LCE2C: variants seen among roughly 807,000 people sequenced by gnomAD.
LCE2C encodes late cornified envelope protein 2C.
For missense variants in LCE2C, 179 were observed against 141.3 expected, an observed-to-expected ratio of 1.27 and a Z score of -1.35; for synonymous variants, 57 against 51.0, an observed-to-expected ratio of 1.12 and a Z score of -0.50.
At position 152,676,110 on chromosome 1, in the gene LCE2C, G is replaced by T. The variant is rs1250342406; in HGVS notation, c.95G>T (p.Cys32Phe). ...TGTCCACCTAAGTGTCCCCCCAAATGCCCACCACAGTGCCCAGCTCCATGT... is the reference window on the plus strand; with the variant it reads ...TGTCCACCTAAGTGTCCCCCCAAATTCCCACCACAGTGCCCAGCTCCATGT... ...PKCPPKCPPK[C>F]PPQCPAPCFP... Residue 32 changes from cysteine (C) to phenylalanine (F), a missense_variant, in exon 2 of 2, where the codon TGC becomes TTC. Cys to Phe is a radical substitution (Grantham distance 205). Transcript: ENST00000368783. 9 of 1,613,898 alleles carry T rather than the reference G, an allele frequency of 5.6e-6. No individual in the cohort carries two copies. Among genetic ancestry groups the T allele is most frequent in the African/African-American group, 1.3e-5 (1 of 74,864 alleles).
At position 152,676,450 on chromosome 1, in the gene LCE2C, A is replaced by G. The variant is rs1449518664; in HGVS notation, c.*102A>G. The G allele has an allele frequency of 2.0e-6, 3 of 1,478,696 alleles. No individual in the cohort carries two copies. The highest frequency in any genetic ancestry group is 4.6e-5 in the East Asian group (2 of 43,476). The allele number at this position is 1,478,696 out of a possible 1,614,324, so 91.6% of individuals were successfully genotyped here. ...TCTCATTCCATTCATTGGTTGGCAGAGACCACAAAGACTCATGGGGCTTTC... is the reference window on the plus strand; with the variant it reads ...TCTCATTCCATTCATTGGTTGGCAGGGACCACAAAGACTCATGGGGCTTTC... On this transcript the variant is annotated 3_prime_UTR_variant, in exon 2 of 2. Transcript: ENST00000368783.
chr1:152,676,453 C>A lies in LCE2C; in HGVS notation c.*105C>A. On this transcript the variant is annotated 3_prime_UTR_variant, in exon 2 of 2. Coordinates refer to ENST00000368783, the MANE Select transcript of LCE2C (RefSeq NM_178429.5). ...CATTCCATTCATTGGTTGGCAGAGA[C>A]CACAAAGACTCATGGGGCTTTCCTG... is the stretch of plus-strand genomic sequence containing the variant. 6.8e-7 allele frequency: 1 copy of A among 1,476,640 alleles called. No individual in the cohort carries two copies. Among genetic ancestry groups the A allele is most frequent in the Non-Finnish European group, 9.1e-7 (1 of 1,102,972 alleles). The allele number at this position is 1,476,640 out of a possible 1,614,324, so 91.5% of individuals were successfully genotyped here.
chr1:152,676,397 C>T lies in LCE2C; in HGVS notation c.*49C>T, dbSNP rs375022910. ...GGACTGAATGGCCAAGAACCTGCTA[C>T]GGCCTGATGGATACTCTTTCCACTT... is the stretch of plus-strand genomic sequence containing the variant. On this transcript the variant is annotated 3_prime_UTR_variant, in exon 2 of 2. Transcript: ENST00000368783. 24 of 1,547,524 alleles carry T rather than the reference C, an allele frequency of 1.6e-5. No individual in the cohort carries two copies. The highest frequency in any genetic ancestry group is 1.8e-4 in the Middle Eastern group (1 of 5,640).
At position 152,676,312 on chromosome 1, in the gene LCE2C, C is replaced by A. The variant is rs149959514; in HGVS notation, c.297C>A (p.Gly99=). 5.0e-6 allele frequency: 8 copies of A among 1,612,708 alleles called. No homozygotes were observed. The highest frequency in any genetic ancestry group is 4.4e-5 in the South Asian group (4 of 90,888). Residue 99 remains glycine (G), a synonymous_variant, in exon 2 of 2, where the codon GGC becomes GGA. Coordinates refer to ENST00000368783, the MANE Select transcript of LCE2C (RefSeq NM_178429.5). ...GCTGTGAGAGTGAACCTTCTGGGGGCTCTGGCTGCTGCCACAGCTCTGGGG... is the reference window on the plus strand; with the variant it reads ...GCTGTGAGAGTGAACCTTCTGGGGGATCTGGCTGCTGCCACAGCTCTGGGG... ...PDCCESEPSG[G]SGCCHSSGGC... is the part of the protein sequence containing the mutation.
rs1386695594 is a variant in LCE2C, at chr1:152,676,165, C to T, written c.150C>T (p.Pro50=). The T allele has an allele frequency of 6.2e-7, 1 of 1,613,968 alleles. No individual in the cohort carries two copies. Residue 50 remains proline (P), a synonymous_variant, in exon 2 of 2, where the codon CCC becomes CCT. Transcript: ENST00000368783. ...CTGCAGTCTCTTCTTGCTGTGGTCC[C>T]AGCTCTGGGAGCTGCTGTGGTCCCA... ...CFPAVSSCCG[P]SSGSCCGPSS...
rs1291422489 is a variant in LCE2C at position 152,676,442 on chromosome 1, G to C, written c.*94G>C. On this transcript the variant is annotated 3_prime_UTR_variant, in exon 2 of 2. Transcript: ENST00000368783. ...CCACTTCCTCTCATTCCATTCATTG[G>C]TTGGCAGAGACCACAAAGACTCATG... 1 of 1,505,658 alleles carries C rather than the reference G, an allele frequency of 6.6e-7. No individual in the cohort carries two copies. Among genetic ancestry groups the C allele is most frequent in the East Asian group, 2.3e-5 (1 of 43,918 alleles). The allele number at this position is 1,505,658 out of a possible 1,614,324, so 93.3% of individuals were successfully genotyped here. A position where few individuals can be genotyped will look rare whatever the true frequency, so the allele number is the denominator to read the frequency against.
In LCE2C at chr1:152,676,405, T is replaced by G; in HGVS notation, c.*57T>G. 3 of 1,535,402 alleles carry G rather than the reference T, an allele frequency of 2.0e-6. No homozygotes were observed. Among genetic ancestry groups the G allele is most frequent in the Non-Finnish European group, 8.7e-7 (1 of 1,145,006 alleles). ...TGGCCAAGAACCTGCTACGGCCTGATGGATACTCTTTCCACTTCCTCTCAT... is the reference window on the plus strand; with the variant it reads ...TGGCCAAGAACCTGCTACGGCCTGAGGGATACTCTTTCCACTTCCTCTCAT... On this transcript the variant is annotated 3_prime_UTR_variant, in exon 2 of 2. Transcript: ENST00000368783.
intron 1 of LCE2C, 110 bp from the exon 2 acceptor site, chr1:152,675,885 G>C: frequency 1.6e-6 from 2 of 1,277,214 alleles, no homozygotes; most frequent in Non-Finnish European, 2.2e-6. Flanking sequence ...TTACTGATGT[G>C]ATTGTATTAT....
rs1648837488 is a variant in LCE2C, at chr1:152,676,027, G to A, written c.12G>A (p.Gln4=). 1.9e-6 allele frequency: 3 copies of A among 1,614,030 alleles called. No homozygotes were observed. The highest frequency in any genetic ancestry group is 1.1e-5 in the South Asian group (1 of 91,070). Residue 4 remains glutamine (Q), a synonymous_variant, in exon 2 of 2, where the codon CAG becomes CAA. Coordinates refer to ENST00000368783, the MANE Select transcript of LCE2C (RefSeq NM_178429.5). MSC[Q]QNQQQCQPPP... is the part of the protein sequence containing the mutation. ...AAACTCCTGCCAGCATGTCTTGCCA[G>A]CAAAACCAGCAGCAGTGCCAGCCCC...
At position 152,676,262 on chromosome 1, in the gene LCE2C, C is replaced by A; in HGVS notation, c.247C>A (p.Arg83=). The A allele has an allele frequency of 6.2e-7, 1 of 1,613,910 alleles. No homozygotes were observed. ...LSHHRPRLFH[R]RRHQSPDCCE... Reference sequence around the variant, plus strand: ...CCACCACAGGCCCCGTCTCTTCCACCGGCGCCGGCACCAGAGCCCCGACTG... The same window carrying A: ...CCACCACAGGCCCCGTCTCTTCCACAGGCGCCGGCACCAGAGCCCCGACTG... Residue 83 remains arginine (R), a synonymous_variant, in exon 2 of 2, where the codon CGG becomes AGG. Transcript: ENST00000368783.
chr1:152,676,217 G>T lies in LCE2C; in HGVS notation c.202G>T (p.Ala68Ser), dbSNP rs532981379. The T allele has an allele frequency of 5.4e-5, 87 of 1,613,864 alleles. 2 individuals carry two copies. In the South Asian group the frequency reaches 7.7e-4, roughly 14 times the overall value. ...PSSGGCCSSG[A>S]GGCSLSHHRP... The stretch of plus-strand genomic sequence containing the variant: ...CTCTGGGGGCTGCTGCAGCTCTGGG[G>T]CTGGTGGCTGCTCCCTGAGCCACCA... Residue 68 changes from alanine to serine, a missense_variant, in exon 2 of 2, where the codon GCT becomes TCT. Transcript: ENST00000368783.
At chr1:152,675,780 A>G (rs1351024380) in intron 1 of LCE2C, among the ~76,000 whole-genome samples, 1 of 152,164 alleles carries the variant, frequency 6.6e-6, no homozygotes, top group African/African-American at 2.4e-5. Flanking sequence ...GAGCAATCGC[A>G]GTTTCCCCTG....
chr1:152,675,850 A>T, intron 1 of LCE2C, 145 bp from the exon 2 acceptor site: 1 of 996,720 alleles, frequency 1.0e-6, no homozygotes, highest in South Asian at 1.7e-5. Context: ...TATCTAGAGG[A>T]AAGATTCAAG....
rs2101501235 is a variant in LCE2C, at chr1:152,676,084, A to C, written c.69A>C (p.Lys23Asn). Residue 23 changes from lysine to asparagine, a missense_variant, in exon 2 of 2, where the codon AAA (lysine) becomes AAC (asparagine). Transcript: ENST00000368783. The part of the protein sequence containing the change: ...PPKCPPKCTP[K>N]CPPKCPPKCP... ...AGTGTCCTCCCAAGTGTACCCCAAAATGTCCACCTAAGTGTCCCCCCAAAT... is the reference window on the plus strand; with the variant it reads ...AGTGTCCTCCCAAGTGTACCCCAAACTGTCCACCTAAGTGTCCCCCCAAAT... 6.2e-7 allele frequency: 1 copy of C among 1,614,112 alleles called. No homozygotes were observed. Among genetic ancestry groups the C allele is most frequent in the Non-Finnish European group, 8.5e-7 (1 of 1,180,016 alleles).
rs765959989 is a variant in LCE2C, at chr1:152,676,198, G to A, written c.183G>A (p.Gly61=). The change falls in exon 2 of 2, where the codon GGG becomes GGA. Residue 61 remains glycine, a synonymous_variant. Transcript: ENST00000368783. Reference sequence around the variant, plus strand: ...GGAGCTGCTGTGGTCCCAGCTCTGGGGGCTGCTGCAGCTCTGGGGCTGGTG... The same window carrying A: ...GGAGCTGCTGTGGTCCCAGCTCTGGAGGCTGCTGCAGCTCTGGGGCTGGTG... The part of the protein sequence containing the change: ...SSGSCCGPSS[G]GCCSSGAGGC... 2.5e-6 allele frequency: 4 copies of A among 1,614,048 alleles called. No individual in the cohort carries two copies. The highest frequency in any genetic ancestry group is 1.7e-6 in the Non-Finnish European group (2 of 1,179,992).
rs1340760393 is a variant in LCE2C, at chr1:152,676,279, C to T, written c.264C>T (p.Ser88=). 26 of 1,613,742 alleles carry T rather than the reference C, an allele frequency of 1.6e-5. No homozygotes were observed. The highest frequency in any genetic ancestry group is 1.9e-5 in the Non-Finnish European group (23 of 1,179,966). ...PRLFHRRRHQ[S]PDCCESEPSG... Reference sequence around the variant, plus strand: ...TCTTCCACCGGCGCCGGCACCAGAGCCCCGACTGCTGTGAGAGTGAACCTT... The same window carrying T: ...TCTTCCACCGGCGCCGGCACCAGAGTCCCGACTGCTGTGAGAGTGAACCTT... Residue 88 remains serine, a synonymous_variant, in exon 2 of 2, where the codon AGC becomes AGT. Transcript: ENST00000368783.
Position 152,676,052 on chromosome 1 carries a change from C to T in LCE2C, c.37C>T (p.Pro13Ser), listed in dbSNP as rs778531570. 1.2e-6 allele frequency: 2 copies of T among 1,614,164 alleles called. No individual in the cohort carries two copies. The highest frequency in any genetic ancestry group is 2.2e-5 in the South Asian group (2 of 91,058). Residue 13 changes from proline to serine, a missense_variant, in exon 2 of 2, where the codon CCT becomes TCT. Coordinates refer to ENST00000368783, the MANE Select transcript of LCE2C (RefSeq NM_178429.5). ...GCAAAACCAGCAGCAGTGCCAGCCC[C>T]CTCCCAAGTGTCCTCCCAAGTGTAC... is the stretch of plus-strand genomic sequence containing the variant. ...CQQNQQQCQP[P>S]PKCPPKCTPK...
chr1:152,675,532 A>C (rs563698182), intron 1 of LCE2C, among the ~76,000 whole-genome samples: 3 of 152,180 alleles, frequency 2.0e-5, no homozygotes, highest in African/African-American at 4.8e-5. Flanking sequence ...ATCTTTTCCA[A>C]TTCTGTGTTC....
rs767764830 is a variant in LCE2C, at chr1:152,676,384, C to T, written c.*36C>T. 8 of 1,566,050 alleles carry T rather than the reference C, an allele frequency of 5.1e-6. No individual in the cohort carries two copies. In the Admixed American group the frequency reaches 5.8e-5, roughly 11 times the overall value. On this transcript the variant is annotated 3_prime_UTR_variant, in exon 2 of 2. Transcript: ENST00000368783. ...AGAAGAGCTCTTGGGACTGAATGGC[C>T]AAGAACCTGCTACGGCCTGATGGAT...
Sources: allele counts gnomAD v4.1 joint callset (sites outside exome capture counted in the v4.1 genomes callset), GRCh38; gene constraint gnomAD v4.1.1; transcripts MANE v1.5; gene names NCBI Gene and HGNC (gene_info 2026-07-23, HGNC 2026-07-21).